KIN: variants seen among roughly 807,000 people sequenced by gnomAD.
KIN encodes the protein DNA/RNA-binding protein KIN17.
A neutral mutation model predicts 63.0 loss-of-function variants in KIN; 47 were observed. The ratio of observed to expected loss-of-function variants is 0.75; its 90% confidence interval spans 0.59 to 0.95. The LOEUF (loss-of-function observed/expected upper bound fraction) is 0.95. KIN is among the 40% of genes least tolerant of loss of function. The probability of loss-of-function intolerance (pLI) is 0.00; values close to 1 mark genes in which losing one functional copy is unlikely to be tolerated. For synonymous variants in KIN, 160 were observed against 157.7 expected (o/e 1.01, Z -0.11); for missense variants, 408 against 460.9 (o/e 0.89, Z 1.05).
chr10:7,759,755 G>A (rs1835401755), intron 12 of KIN, 135 bp downstream of exon 12: 1 of 515,542 alleles, frequency 1.9e-6, no homozygotes, highest in Non-Finnish European at 3.4e-6. Flanking sequence ...GAGAAAATAA[G>A]CTTACAGATT....
At chr10:7,762,390 A>G in intron 11 of KIN, 67 bp downstream of exon 11, 3 of 838,140 alleles carry the variant, frequency 3.6e-6, no homozygotes, top group East Asian at 2.6e-5. Flanking sequence ...GTCAAAATAC[A>G]GTGGTTTGAA....
At chr10:7,781,750 C>CAAAAAAAA (rs34969604) in intron 2 of KIN, among the ~76,000 whole-genome samples, 2 of 67,996 alleles carry the variant, frequency 2.9e-5, no homozygotes, top group Non-Finnish European at 2.8e-5. Flanking sequence ...AAGACCCTGT[C>CAAAAAAAA]AAAAAAAAAA....
chr10:7,753,936 G>C lies in KIN; in HGVS notation c.*2144C>G, dbSNP rs112931867. On this transcript the variant is annotated 3_prime_UTR_variant, in exon 13 of 13. Coordinates refer to ENST00000379562, the MANE Select transcript of KIN (RefSeq NM_012311.4). ...CTCTCAGTTAAAGAGAGAGATCCCA[G>C]GGTTTGGCACCATACCTGTGTCTGA... 3.7e-3 allele frequency: 1,503 copies of C among 405,046 alleles called. 5 individuals carry two copies. Among genetic ancestry groups the C allele is most frequent in the South Asian group, 4.8e-3 (274 of 56,776 alleles). 25.1% of individuals were successfully genotyped at this position (405,046 alleles called of 1,614,324 possible).
At chr10:7,787,726 C>A in intron 1 of KIN, 94 bp downstream of exon 1, 1 of 953,262 alleles carries the variant, frequency 1.0e-6, no homozygotes, top group South Asian at 1.3e-5. Flanking sequence ...ACCCCGGGAG[C>A]CCCAGCCCCG....
intron 12 of KIN, among the ~76,000 whole-genome samples, chr10:7,758,604 A>C (rs1588469456): frequency 6.6e-6 from 1 of 152,158 alleles, no homozygotes; most frequent in East Asian, 1.9e-4. Context: ...CCCTGAGATG[A>C]AAACATGAAA....
At chr10:7,760,347 G>A (rs907558174) in intron 11 of KIN, among the ~76,000 whole-genome samples, 1 of 152,028 alleles carries the variant, frequency 6.6e-6, no homozygotes, top group African/African-American at 2.4e-5. Flanking sequence ...AAGATGGTTT[G>A]GCAGTTTTAC....
chr10:7,774,788 A>C (rs1328316418), intron 7 of KIN, 43 bp downstream of exon 7: 2 of 1,475,328 alleles, frequency 1.4e-6, no homozygotes, highest in South Asian at 2.3e-5. Context: ...ATATTTCACA[A>C]AAATCCTAAT....
At position 7,784,814 on chromosome 10, in the gene KIN, C is replaced by T. The variant is rs549343347; in HGVS notation, c.115-1639G>A. 3.9e-5 allele frequency among the ~76,000 whole-genome samples: 6 copies of T among 152,158 alleles called. No homozygotes were observed. In the East Asian group the frequency reaches 9.7e-4, roughly 24 times the overall value. On this transcript the variant is annotated intron_variant, in intron 1 of 12. Coordinates refer to ENST00000379562, the MANE Select transcript of KIN (RefSeq NM_012311.4). ...TAGGTATGATTTCTAAGTATTACCCCAATACTCACTTGCTCTTACAAGGGG... is the reference window on the plus strand; with the variant it reads ...TAGGTATGATTTCTAAGTATTACCCTAATACTCACTTGCTCTTACAAGGGG...
In KIN at chr10:7,754,565, GGAGGTTGCA is replaced by G. The variant is rs1477727820; in HGVS notation, c.*1506_*1514del. On this transcript the variant is annotated 3_prime_UTR_variant, in exon 13 of 13. Transcript: ENST00000379562. ...GGAGAATGGCTTGAACCCGGGAGGT[GGAGGTTGCA>G]GTGAGCCGAGATTGCACTACTGCAA... The G allele has an allele frequency of 6.6e-6, 1 of 152,612 alleles. No individual in the cohort carries two copies. Among genetic ancestry groups the G allele is most frequent in the Non-Finnish European group, 1.5e-5 (1 of 68,582 alleles). 9.5% of individuals were successfully genotyped at this position (152,612 alleles called of 1,614,324 possible). A position where few individuals can be genotyped will look rare whatever the true frequency, so the allele number is the denominator to read the frequency against.
chr10:7,776,435 A>G (rs1010451096), intron 5 of KIN, among the ~76,000 whole-genome samples: 18 of 149,742 alleles, frequency 1.2e-4, no homozygotes, highest in African/African-American at 4.2e-4. Flanking sequence ...CCAGCTACTC[A>G]GGAGGCTGAG....
At position 7,754,188 on chromosome 10, in the gene KIN, A is replaced by G; in HGVS notation, c.*1892T>C. The G allele has an allele frequency of 1.8e-5, 8 of 432,918 alleles. No homozygotes were observed. The highest frequency in any genetic ancestry group is 1.3e-4 in the South Asian group (8 of 59,490). The allele number at this position is 432,918 out of a possible 1,614,324, so 26.8% of individuals were successfully genotyped here. On this transcript the variant is annotated 3_prime_UTR_variant, in exon 13 of 13. Transcript: ENST00000379562. ...CTACTAAAAATCAAAAAAATTAGCC[A>G]GGCATGGTAGTGCATGCCTGTAGTC...
chr10:7,759,569 A>C (rs754442525), intron 12 of KIN, among the ~76,000 whole-genome samples: 1 of 152,072 alleles, frequency 6.6e-6, no homozygotes, highest in Non-Finnish European at 1.5e-5. Context: ...TTCATAAAAC[A>C]CCAAGATTGG....
chr10:7,757,221 C>T (rs185144865), intron 12 of KIN, among the ~76,000 whole-genome samples: 14 of 152,160 alleles, frequency 9.2e-5, no homozygotes, highest in Admixed American at 8.5e-4. Flanking sequence ...AGAGTTGGGT[C>T]GGGCGCAGTG....
chr10:7,767,949 A>G (rs967607314), intron 8 of KIN, among the ~76,000 whole-genome samples: 2 of 151,916 alleles, frequency 1.3e-5, no homozygotes, highest in African/African-American at 4.8e-5. Context: ...CAGAGGAAAT[A>G]ATATTAAAGA....
chr10:7,762,299 G>A (rs1284680067), intron 11 of KIN, among the ~76,000 whole-genome samples, 158 bp downstream of exon 11: 1 of 151,406 alleles, frequency 6.6e-6, no homozygotes, highest in African/African-American at 2.4e-5. Flanking sequence ...AGTAAACTAC[G>A]ATGCCCTTGA....
chr10:7,762,874 G>T (rs1403292609), intron 10 of KIN, among the ~76,000 whole-genome samples: 5 of 152,146 alleles, frequency 3.3e-5, no homozygotes, highest in Non-Finnish European at 7.4e-5. Context: ...AGGGCAATAG[G>T]CATGCACAAG....
intron 6 of KIN, among the ~76,000 whole-genome samples, chr10:7,775,420 C>T (rs576490827): frequency 1.9e-4 from 29 of 152,338 alleles, no homozygotes; most frequent in African/African-American, 5.5e-4. Flanking sequence ...GCCATCCTCA[C>T]GACAATGCAG....
Position 7,755,991 on chromosome 10 carries a change from T to C in KIN, c.*89A>G, listed in dbSNP as rs1835325104. 7.4e-6 allele frequency: 5 copies of C among 677,112 alleles called. No homozygotes were observed. The highest frequency in any genetic ancestry group is 1.3e-5 in the Non-Finnish European group (5 of 397,624). 41.9% of individuals were successfully genotyped at this position (677,112 alleles called of 1,614,324 possible). A position where few individuals can be genotyped will look rare whatever the true frequency, so the allele number is the denominator to read the frequency against. On this transcript the variant is annotated 3_prime_UTR_variant, in exon 13 of 13. Transcript: ENST00000379562. The stretch of plus-strand genomic sequence containing the variant: ...CCTGTTTGTTTTATACAAAAGAATA[T>C]ACCCTAACACAGTAGAGTCTCATAA...
In KIN at chr10:7,780,803, C is replaced by T. The variant is rs114643507; in HGVS notation, c.210-496G>A. On this transcript the variant is annotated intron_variant, in intron 2 of 12. Transcript: ENST00000379562. ...AGGAAAGAACTCCAAAATATTATAGCTTTTAAGGATTAAGTTAAAAGTCAG... is the reference window on the plus strand; with the variant it reads ...AGGAAAGAACTCCAAAATATTATAGTTTTTAAGGATTAAGTTAAAAGTCAG... Among the ~76,000 whole-genome samples, 511 of 152,322 alleles carry T rather than the reference C, an allele frequency of 3.4e-3. 5 individuals carry two copies. Among genetic ancestry groups the T allele is most frequent in the African/African-American group, 0.012 (487 of 41,574 alleles).
Sources: gnomAD v4.1 joint callset for allele counts (sites outside exome capture counted in the v4.1 genomes callset) on GRCh38, gnomAD v4.1.1 for gene constraint, MANE v1.5 for transcripts, NCBI Gene and HGNC (gene_info 2026-07-23, HGNC 2026-07-21) for gene names.